NME7: variants seen among roughly 807,000 people sequenced by gnomAD.
NME7 encodes the protein NME/NM23 family member 7, also known as nucleoside diphosphate kinase 7.
A neutral mutation model predicts 49.1 loss-of-function variants in NME7; 41 were observed. The observed-to-expected ratio is 0.83, with a 90% CI of 0.65 to 1.08. The LOEUF (loss-of-function observed/expected upper bound fraction) is 1.08. NME7 is among the 50% of genes least tolerant of loss of function. The probability of loss-of-function intolerance (pLI) is 0.00; values close to 1 mark genes in which losing one functional copy is unlikely to be tolerated. For missense variants in NME7, 423 were observed against 463.4 expected (o/e 0.91, Z 0.80); for synonymous variants, 139 against 150.6 (o/e 0.92, Z 0.56).
intron 10 of NME7, among the ~76,000 whole-genome samples, chr1:169,197,135 T>G (rs1660401429): frequency 6.6e-6 from 1 of 152,134 alleles, no homozygotes; most frequent in Admixed American, 6.5e-5. Flanking sequence ...TAAGAGTACC[T>G]ATATTTCACC....
At chr1:169,154,251 G>A (rs1041692560) in intron 11 of NME7, among the ~76,000 whole-genome samples, 3 of 152,032 alleles carry the variant, frequency 2.0e-5, no homozygotes, top group Non-Finnish European at 2.9e-5. Context: ...GGGCTCAAGT[G>A]ATTCTCTCAC....
chr1:169,312,781 A>G (rs1228241403), intron 3 of NME7, among the ~76,000 whole-genome samples: 3 of 152,240 alleles, frequency 2.0e-5, no homozygotes, highest in East Asian at 1.9e-4. Context: ...CTTAGATAGT[A>G]CAGTGCTATT....
chr1:169,340,035 C>T (rs902793696), intron 1 of NME7, among the ~76,000 whole-genome samples: 2 of 146,190 alleles, frequency 1.4e-5, no homozygotes, highest in Non-Finnish European at 3.0e-5. Context: ...CCTGTACCAT[C>T]CCTTGTTAGT....
intron 10 of NME7, among the ~76,000 whole-genome samples, chr1:169,191,479 A>G (rs879564464): frequency 2.0e-5 from 3 of 152,222 alleles, no homozygotes; most frequent in Non-Finnish European, 4.4e-5. Context: ...TGGGAAAACC[A>G]TCTGCTCCGC....
At chr1:169,251,079 G>T (rs1293267915) in intron 7 of NME7, among the ~76,000 whole-genome samples, 1 of 151,970 alleles carries the variant, frequency 6.6e-6, no homozygotes, top group Non-Finnish European at 1.5e-5. Context: ...GACTGTTGCA[G>T]TCTCATACTA....
At chr1:169,362,094 G>C (rs186721660) in intron 1 of NME7, among the ~76,000 whole-genome samples, 1 of 152,002 alleles carries the variant, frequency 6.6e-6, no homozygotes, top group Non-Finnish European at 1.5e-5. Context: ...TGTAATCCAA[G>C]TTACTCACAA....
Position 169,198,506 on chromosome 1 carries a change from C to A in NME7, c.991-28952G>T, listed in dbSNP as rs114300662. ...ATAAACAAAATCTGGTATATCCATA[C>A]AATGGATTATGATTTAGCCATAAAA... On this transcript the variant is annotated intron_variant, in intron 10 of 11. Coordinates refer to ENST00000367811, the MANE Select transcript of NME7 (RefSeq NM_013330.5). Among the ~76,000 whole-genome samples the A allele has an allele frequency of 2.4e-3, 359 of 152,118 alleles. 1 individual carries two copies. Among genetic ancestry groups the A allele is most frequent in the African/African-American group, 8.5e-3 (352 of 41,516 alleles).
At chr1:169,262,495 G>A (rs1649195614) in intron 7 of NME7, among the ~76,000 whole-genome samples, 1 of 134,352 alleles carries the variant, frequency 7.4e-6, no homozygotes, top group Non-Finnish European at 1.8e-5. Flanking sequence ...AGTAGTTCAT[G>A]TGTGCCACTC....
At chr1:169,195,177 T>C (rs1247366234) in intron 10 of NME7, among the ~76,000 whole-genome samples, 1 of 152,204 alleles carries the variant, frequency 6.6e-6, no homozygotes, top group Non-Finnish European at 1.5e-5. Context: ...ATGCTGGCTT[T>C]TTAATAAGAA....
intron 11 of NME7, among the ~76,000 whole-genome samples, chr1:169,162,462 T>C (rs1244266298): frequency 6.6e-6 from 1 of 152,068 alleles, no homozygotes. Flanking sequence ...TACATAACTG[T>C]CTCCTGAAAG....
In NME7 at chr1:169,197,534, T is replaced by C. The variant is rs35471075; in HGVS notation, c.991-27980A>G. Reference sequence around the variant, plus strand: ...AGACATATGGATTAATGGAATAGAATTGAGAGCTCAGAAATAAATATATAC... The same window carrying C: ...AGACATATGGATTAATGGAATAGAACTGAGAGCTCAGAAATAAATATATAC... On this transcript the variant is annotated intron_variant, in intron 10 of 11. Coordinates refer to ENST00000367811, the MANE Select transcript of NME7 (RefSeq NM_013330.5). Among the ~76,000 whole-genome samples, 7,689 of 152,190 alleles carry C rather than the reference T, an allele frequency of 0.051. 1,113 individuals carry two copies. In the East Asian group the frequency reaches 0.59, roughly 12 times the overall value.
intron 10 of NME7, among the ~76,000 whole-genome samples, chr1:169,192,867 T>C (rs926422770): frequency 3.3e-5 from 5 of 152,172 alleles, no homozygotes; most frequent in Non-Finnish European, 5.9e-5. Context: ...TTAGGATTTA[T>C]TTAGAATGCA....
intron 3 of NME7, chr1:169,322,565 A>G (rs924693671): frequency 1.3e-5 from 2 of 151,784 alleles, no homozygotes; most frequent in African/African-American, 4.8e-5. Flanking sequence ...AATAAGATAC[A>G]TCAGTCTCCC....
At chr1:169,199,539 A>G (rs1404106490) in intron 10 of NME7, among the ~76,000 whole-genome samples, 1 of 150,602 alleles carries the variant, frequency 6.6e-6, no homozygotes, top group African/African-American at 2.4e-5. Context: ...AGCTGGTCTC[A>G]AACTCCTGGG....
intron 10 of NME7, among the ~76,000 whole-genome samples, chr1:169,213,103 G>A (rs1284632040): frequency 6.6e-6 from 1 of 152,048 alleles, no homozygotes; most frequent in Admixed American, 6.5e-5. Context: ...TGTAATGCAG[G>A]CATCATTCAG....
chr1:169,296,581 ATAACTC>A (rs999977207), intron 6 of NME7, among the ~76,000 whole-genome samples: 2 of 152,102 alleles, frequency 1.3e-5, no homozygotes, highest in African/African-American at 4.8e-5. Context: ...TTATGTGCTG[ATAACTC>A]TAAGCTGTCA....
intron 10 of NME7, among the ~76,000 whole-genome samples, chr1:169,183,144 T>C (rs776873370): frequency 1.3e-5 from 2 of 152,206 alleles, no homozygotes; most frequent in African/African-American, 4.8e-5. Context: ...ATGTGACAAA[T>C]ATGTGGAATT....
At chr1:169,202,961 G>T (rs1660588175) in intron 10 of NME7, among the ~76,000 whole-genome samples, 1 of 150,960 alleles carries the variant, frequency 6.6e-6, no homozygotes, top group Non-Finnish European at 1.5e-5. Context: ...GAAGAAGCTG[G>T]TCAGGCAGGC....
intron 7 of NME7, among the ~76,000 whole-genome samples, chr1:169,245,564 G>T (rs535769914): frequency 6.6e-6 from 1 of 152,138 alleles, no homozygotes; most frequent in Non-Finnish European, 1.5e-5. Flanking sequence ...AGTTTTAATC[G>T]TGATGTAGCC....
Sources: allele counts gnomAD v4.1 joint callset (sites outside exome capture counted in the v4.1 genomes callset), GRCh38; gene constraint gnomAD v4.1.1; transcripts MANE v1.5; gene names NCBI Gene and HGNC (gene_info 2026-07-23, HGNC 2026-07-21).